The following PUS7 variants were observed in gnomAD, a reference collection of about 807,000 sequenced individuals.
The protein encoded by PUS7 is pseudouridylate synthase 7 homolog.
A neutral mutation model predicts 79.8 loss-of-function variants in PUS7; 48 were observed. The ratio of observed to expected loss-of-function variants is 0.60; its 90% CI spans 0.48 to 0.76. PUS7 has a LOEUF of 0.76. Among genes scored for constraint, PUS7 ranks in the 30% least tolerant of loss-of-function variants. The probability of loss-of-function intolerance (pLI) is 0.00; values close to 1 mark genes in which losing one functional copy is unlikely to be tolerated. For missense variants in PUS7, 729 were observed against 797.6 expected, an observed-to-expected ratio of 0.91 and a Z score of 1.04; for synonymous variants, 286 against 272.2, an observed-to-expected ratio of 1.05 and a Z score of -0.50.
chr7:105,486,359 AT>A (rs1182880117), intron 7 of PUS7, among the ~76,000 whole-genome samples: 4 of 151,996 alleles, frequency 2.6e-5, no homozygotes, highest in African/African-American at 9.7e-5. Context: ...AGCTGTACAT[AT>A]TGATTTTTGT....
intron 1 of PUS7, among the ~76,000 whole-genome samples, chr7:105,511,285 G>A (rs938864640): frequency 2.0e-5 from 3 of 150,912 alleles, no homozygotes; most frequent in Non-Finnish European, 3.0e-5. Flanking sequence ...TGCCCGCCTC[G>A]GCCTCCCAAA....
chr7:105,512,094 G>A (rs1224576234), intron 1 of PUS7, among the ~76,000 whole-genome samples: 5 of 137,996 alleles, frequency 3.6e-5, no homozygotes, highest in South Asian at 2.4e-4. Context: ...GCAGTGAGTC[G>A]GGACTGCACC....
chr7:105,488,879 T>C (rs975721538), intron 7 of PUS7, among the ~76,000 whole-genome samples: 1 of 152,184 alleles, frequency 6.6e-6, no homozygotes, highest in African/African-American at 2.4e-5. Context: ...CAGAGCCCAG[T>C]GGCTCACGCC....
At chr7:105,519,644 G>T (rs761787939) in intron 1 of PUS7, among the ~76,000 whole-genome samples, 1 of 152,182 alleles carries the variant, frequency 6.6e-6, no homozygotes, top group Non-Finnish European at 1.5e-5. Context: ...TGGCATTGTT[G>T]TAGGTACTGG....
intron 9 of PUS7, among the ~76,000 whole-genome samples, chr7:105,477,977 A>G (rs1341022306): frequency 6.6e-6 from 1 of 151,888 alleles, no homozygotes; most frequent in East Asian, 1.9e-4. Context: ...TAATTTTTTA[A>G]AAATTTTATT....
At chr7:105,474,083 G>C (rs1394931546) in intron 9 of PUS7, among the ~76,000 whole-genome samples, 1 of 152,110 alleles carries the variant, frequency 6.6e-6, no homozygotes, top group Non-Finnish European at 1.5e-5. Flanking sequence ...GTCATGTTTA[G>C]AAAGACCCTT....
chr7:105,489,298 C>T (rs1367317768), intron 7 of PUS7, among the ~76,000 whole-genome samples: 1 of 151,122 alleles, frequency 6.6e-6, no homozygotes, highest in African/African-American at 2.4e-5. Flanking sequence ...AAGGCAAAAA[C>T]CTTCTGTTGT....
intron 1 of PUS7, among the ~76,000 whole-genome samples, chr7:105,511,778 CA>C (rs1385422493): frequency 2.0e-5 from 3 of 151,406 alleles, no homozygotes; most frequent in Non-Finnish European, 2.9e-5. Context: ...ACAAAACGAA[CA>C]AAACAAAACA....
At chr7:105,480,733 G>A (rs946825560) in intron 9 of PUS7, among the ~76,000 whole-genome samples, 11 of 151,966 alleles carry the variant, frequency 7.2e-5, no homozygotes, top group African/African-American at 1.7e-4. Flanking sequence ...CCGAGATTGC[G>A]CTATTGCACT....
At position 105,482,426 on chromosome 7, in the gene PUS7, C is replaced by T; in HGVS notation, c.935G>A (p.Arg312Lys). 1 of 1,543,726 alleles carries T rather than the reference C, an allele frequency of 6.5e-7. No individual in the cohort carries two copies. Among genetic ancestry groups the T allele is most frequent in the Non-Finnish European group, 8.9e-7 (1 of 1,129,300 alleles). ...CAAGCACTTATTCAGGTGGGCAAGT[C>T]TTTGTGCAGTTATTCTTTAAAAAAA... is the stretch of plus-strand genomic sequence containing the variant. ...EIAVLKITAQRLAHLNKCLMN... is the reference protein window; with the variant it reads ...EIAVLKITAQKLAHLNKCLMN... Residue 312 changes from arginine to lysine, a missense_variant, in exon 8 of 16, where the codon AGA (arginine) becomes AAA (lysine). By Grantham distance (26) the Arg-to-Lys change is conservative (BLOSUM62 2). Transcript: ENST00000469408.
At chr7:105,498,376 A>G (rs1346220632) in intron 5 of PUS7, among the ~76,000 whole-genome samples, 1 of 152,250 alleles carries the variant, frequency 6.6e-6, no homozygotes, top group African/African-American at 2.4e-5. Context: ...AATAACTTGC[A>G]GACATTTTTG....
chr7:105,508,921 C>T lies in PUS7; in HGVS notation c.-32-377G>A, dbSNP rs191817858. Among the ~76,000 whole-genome samples, 1,027 of 137,252 alleles carry T rather than the reference C, an allele frequency of 7.5e-3. 11 individuals are homozygous for T. Among genetic ancestry groups the T allele is most frequent in the African/African-American group, 0.027 (991 of 37,152 alleles). 90.0% of individuals were successfully genotyped at this position (137,252 alleles called of 152,430 possible). A position where few individuals can be genotyped will look rare whatever the true frequency, so the allele number is the denominator to read the frequency against. The stretch of plus-strand genomic sequence containing the variant: ...AAAGGTCAGGCACGGTGGCTCACAC[C>T]TGTAATCCCAGCACTTTGGGAGGCC... On this transcript the variant is annotated intron_variant, in intron 1 of 15. Transcript: ENST00000469408.
At chr7:105,484,757 G>C (rs111283303) in intron 7 of PUS7, among the ~76,000 whole-genome samples, 2 of 149,256 alleles carry the variant, frequency 1.3e-5, no homozygotes, top group African/African-American at 4.9e-5. Context: ...GGCAGAGGTT[G>C]CAGTGAGCTG....
At chr7:105,464,653 TGA>T (rs879446990) in intron 13 of PUS7, among the ~76,000 whole-genome samples, 6 of 152,152 alleles carry the variant, frequency 3.9e-5, no homozygotes, top group Non-Finnish European at 8.8e-5. Context: ...GACCTCCAAC[TGA>T]GAGTTACATC....
rs1054280386 is a variant in PUS7 at position 105,522,224 on chromosome 7, C to G, written c.-205G>C. ...AGATGCGCTCCAGCCGACTCACCGG[C>G]GGCCGGGCTCGCACACGTGCGGCGC... is the stretch of plus-strand genomic sequence containing the variant. On this transcript the variant is annotated 5_prime_UTR_variant, in exon 1 of 16. Transcript: ENST00000469408. 3 of 151,846 alleles carry G rather than the reference C, an allele frequency of 2.0e-5. No individual in the cohort carries two copies. Among genetic ancestry groups the G allele is most frequent in the Non-Finnish European group, 4.4e-5 (3 of 67,938 alleles). 9.4% of individuals were successfully genotyped at this position (151,846 alleles called of 1,614,324 possible).
intron 5 of PUS7, chr7:105,496,994 G>A (rs1825063775): frequency 1.7e-6 from 2 of 1,191,300 alleles, no homozygotes; most frequent in Admixed American, 2.6e-5. Flanking sequence ...ACAGCATAAA[G>A]AGCACAAAAG....
rs1456834829 is a variant in PUS7 at position 105,508,209 on chromosome 7, CAA to C, written c.302_303del (p.Phe101CysfsTer10). 6.2e-7 allele frequency: 1 copy of C among 1,614,046 alleles called. No homozygotes were observed. Among genetic ancestry groups the C allele is most frequent in the East Asian group, 2.2e-5 (1 of 44,886 alleles). ...EECEEEESES[F>X]ADMMKHGLTE... is the part of the protein sequence containing the mutation. Reference sequence around the variant, plus strand: ...GTGAGTCCATGCTTCATCATGTCTGCAAAACTCTCTGATTCCTCCTCCTCGCA... The same window carrying C: ...GTGAGTCCATGCTTCATCATGTCTGCAACTCTCTGATTCCTCCTCCTCGCA... On this transcript the variant is annotated frameshift_variant, in exon 2 of 16. Coordinates refer to ENST00000469408, the MANE Select transcript of PUS7 (RefSeq NM_019042.5). LOFTEE classifies it high-confidence loss of function.
chr7:105,463,681 T>C (rs1159429755), intron 13 of PUS7, among the ~76,000 whole-genome samples: 1 of 152,118 alleles, frequency 6.6e-6, no homozygotes, highest in Non-Finnish European at 1.5e-5. Context: ...AAATTATTTA[T>C]TGCAAACTTG....
At chr7:105,489,342 C>G (rs1192049106) in intron 7 of PUS7, among the ~76,000 whole-genome samples, 3 of 151,800 alleles carry the variant, frequency 2.0e-5, no homozygotes, top group Non-Finnish European at 4.4e-5. Context: ...AAAGCCTGAG[C>G]CTTCAAACCC....
Sources: allele counts gnomAD v4.1 joint callset (sites outside exome capture counted in the v4.1 genomes callset), GRCh38; gene constraint gnomAD v4.1.1; transcripts MANE v1.5; gene names NCBI Gene and HGNC (gene_info 2026-07-23, HGNC 2026-07-21).